The following TGM6 variants were observed in gnomAD, a reference collection of about 807,000 sequenced individuals.
The protein encoded by TGM6 is transglutaminase 6, also known as protein-glutamine gamma-glutamyltransferase 6.
A neutral mutation model predicts 77.5 loss-of-function variants in TGM6; 74 were observed. That is an observed-to-expected ratio of 0.96 (90% CI 0.79 to 1.16). The LOEUF (loss-of-function observed/expected upper bound fraction) is 1.16, where lower values mean the gene tolerates loss of function less well. Ranked by LOEUF, TGM6 falls within the 50% of genes most tolerant of loss-of-function variation. TGM6 has a pLI of 0.00. For synonymous variants in TGM6, 383 were observed against 378.9 expected (o/e 1.01, Z -0.12); for missense variants, 968 against 940.2 (o/e 1.03, Z -0.39).
At chr20:2,415,990 G>A (rs890294657) in intron 9 of TGM6, among the ~76,000 whole-genome samples, 1 of 152,148 alleles carries the variant, frequency 6.6e-6, no homozygotes, top group African/African-American at 2.4e-5. Flanking sequence ...AAGAGAGTGC[G>A]TTCCCTCTAG....
chr20:2,385,871 A>G (rs925791067), intron 1 of TGM6, among the ~76,000 whole-genome samples: 4 of 152,214 alleles, frequency 2.6e-5, no homozygotes, highest in African/African-American at 9.6e-5. Context: ...AGGTTCTAGC[A>G]ACCCAGGGAG....
rs569302362 is a variant in TGM6, at chr20:2,394,088, G to A, written c.8-364G>A. 3.3e-5 allele frequency among the ~76,000 whole-genome samples: 5 copies of A among 152,100 alleles called. No individual in the cohort carries two copies. The East Asian group carries it at 9.8e-4, about 30-fold the overall frequency. On this transcript the variant is annotated intron_variant, in intron 1 of 12. Transcript: ENST00000202625. ...GCAGATCACCTGAGGTCAGGAGTTC[G>A]AGACCAGTTTGACCAACATGGCAAA...
intron 9 of TGM6, among the ~76,000 whole-genome samples, chr20:2,407,479 C>T (rs749899446): frequency 7.9e-5 from 12 of 152,024 alleles, no homozygotes; most frequent in East Asian, 1.9e-4. Context: ...ATTAGCTGGG[C>T]GTGGTGGTGG....
chr20:2,385,851 G>C (rs1330365807), intron 1 of TGM6, among the ~76,000 whole-genome samples: 1 of 152,172 alleles, frequency 6.6e-6, no homozygotes, highest in East Asian at 1.9e-4. Flanking sequence ...TATGCCCTGG[G>C]CCCTTAACCA....
In TGM6 at chr20:2,399,622, G is replaced by A; in HGVS notation, c.734G>A (p.Gly245Asp). 6.2e-7 allele frequency: 1 copy of A among 1,613,544 alleles called. No homozygotes were observed. Among genetic ancestry groups the A allele is most frequent in the Non-Finnish European group, 8.5e-7 (1 of 1,179,982 alleles). Residue 245 changes from glycine (G) to aspartate (D), a missense_variant, in exon 6 of 13, where the codon GGC becomes GAC. Physicochemically the swap from Gly to Asp is moderately conservative, Grantham distance 94 (BLOSUM62 -1). Transcript: ENST00000202625. ...CAGTGGCAGGGCAAGTACGGCGGCG[G>A]CACCAGCCCGCTGCACTGGCGCGGC... ...QGQWQGKYGG[G>D]TSPLHWRGSV...
chr20:2,430,918 G>T lies in TGM6; in HGVS notation c.1858G>T (p.Val620Leu). 1.2e-6 allele frequency: 2 copies of T among 1,614,218 alleles called. No homozygotes were observed. Among genetic ancestry groups the T allele is most frequent in the East Asian group, 4.5e-5 (2 of 44,876 alleles). ...GGTTCTGGGCCCAGCCATGGTGGGA[G>T]TGGCAGTTACAGTGGAAGTGACAGT... is the stretch of plus-strand genomic sequence containing the variant. ...IKVLGPAMVG[V>L]AVTVEVTVVN... The change falls in exon 12 of 13, where the codon GTG becomes TTG. Residue 620 changes from valine (V) to leucine (L), a missense_variant. By Grantham distance (32) the Val-to-Leu change is conservative. Coordinates refer to ENST00000202625, the MANE Select transcript of TGM6 (RefSeq NM_198994.3).
At chr20:2,386,237 C>T (rs1424520060) in intron 1 of TGM6, among the ~76,000 whole-genome samples, 2 of 152,114 alleles carry the variant, frequency 1.3e-5, no homozygotes, top group Non-Finnish European at 2.9e-5. Flanking sequence ...GACCCCAGCC[C>T]CGGCTATTAC....
rs1284068904 is a variant in TGM6, at chr20:2,394,548, G to A, written c.104G>A (p.Gly35Asp). 2 of 1,612,072 alleles carry A rather than the reference G, an allele frequency of 1.2e-6. No homozygotes were observed. Among genetic ancestry groups the A allele is most frequent in the African/African-American group, 1.3e-5 (1 of 74,980 alleles). ...TGCCCTGAGCTGGTGGTTCGCAGGG[G>A]CCAGTCGTTCAGCCTCACGCTGGAG... ...YPCPELVVRR[G>D]QSFSLTLELS... The change falls in exon 2 of 13, where the codon GGC (glycine) becomes GAC (aspartate). Residue 35 changes from glycine to aspartate, a missense_variant. Gly to Asp is a moderately conservative substitution (Grantham distance 94, BLOSUM62 -1). Coordinates refer to ENST00000202625, the MANE Select transcript of TGM6 (RefSeq NM_198994.3).
intron 4 of TGM6, 134 bp downstream of exon 4, chr20:2,396,758 C>G: frequency 3.7e-6 from 3 of 801,438 alleles, no homozygotes; most frequent in Non-Finnish European, 6.3e-6. Flanking sequence ...CCCACTCATT[C>G]ATTCATTCAT....
rs768864564 is a variant in TGM6 at position 2,430,878 on chromosome 20, G to A, written c.1834-16G>A. 11 of 1,614,156 alleles carry A rather than the reference G, an allele frequency of 6.8e-6. No individual in the cohort carries two copies. The highest frequency in any genetic ancestry group is 9.3e-6 in the Non-Finnish European group (11 of 1,180,038). ...GAGGGGTAGGCGCGATGGCTCATGG[G>A]TGTTGTCCCCTTCAGGTTCTGGGCC... On this transcript the variant is annotated splice_polypyrimidine_tract_variant and intron_variant, in intron 11 of 12. Coordinates refer to ENST00000202625, the MANE Select transcript of TGM6 (RefSeq NM_198994.3).
intron 9 of TGM6, among the ~76,000 whole-genome samples, chr20:2,408,849 A>AT: frequency 3.9e-5 from 6 of 152,338 alleles, no homozygotes; most frequent in African/African-American, 1.4e-4. Flanking sequence ...GGGCAGGTAA[A>AT]AGTAAACAAA....
chr20:2,417,698 T>C (rs2084828345), intron 10 of TGM6, 125 bp downstream of exon 10: 3 of 1,103,066 alleles, frequency 2.7e-6, no homozygotes, highest in Middle Eastern at 2.8e-4. Flanking sequence ...TTCCTGAGCA[T>C]TGTGCTCAGT....
At chr20:2,381,113 T>C in intron 1 of TGM6, 138 bp downstream of exon 1, 14 of 1,299,126 alleles carry the variant, frequency 1.1e-5, no homozygotes, top group Non-Finnish European at 1.5e-5. Flanking sequence ...ACACATGAAC[T>C]CTTCGTGTGG....
intron 7 of TGM6, among the ~76,000 whole-genome samples, chr20:2,402,941 C>T (rs544964469): frequency 7.2e-4 from 109 of 152,328 alleles, no homozygotes; most frequent in African/African-American, 1.9e-3. Flanking sequence ...GTTCCCTTCA[C>T]TCTTCCTATA....
intron 1 of TGM6, among the ~76,000 whole-genome samples, chr20:2,389,865 C>T (rs1014787506): frequency 2.0e-5 from 3 of 152,116 alleles, no homozygotes; most frequent in Admixed American, 6.5e-5. Context: ...TTACTGGTCT[C>T]GATCTACTGA....
At chr20:2,384,428 G>A (rs187073263) in intron 1 of TGM6, among the ~76,000 whole-genome samples, 3 of 152,334 alleles carry the variant, frequency 2.0e-5, no homozygotes, top group African/African-American at 7.2e-5. Flanking sequence ...GATTCAGGAT[G>A]TCATGAATTG....
Position 2,398,066 on chromosome 20 carries a change from C to A in TGM6, c.672+20C>A. The A allele has an allele frequency of 6.2e-7, 1 of 1,614,172 alleles. No individual in the cohort carries two copies. The highest frequency in any genetic ancestry group is 8.5e-7 in the Non-Finnish European group (1 of 1,180,028). Reference sequence around the variant, plus strand: ...GCCATGGTGAGAAGCCCCTCCATCCCTGCACATGTACTTCCTCAAGGATCC... The same window carrying A: ...GCCATGGTGAGAAGCCCCTCCATCCATGCACATGTACTTCCTCAAGGATCC... On this transcript the variant is annotated intron_variant, in intron 5 of 12. Transcript: ENST00000202625.
chr20:2,417,220 G>A lies in TGM6; in HGVS notation c.1337-12G>A. On this transcript the variant is annotated splice_polypyrimidine_tract_variant and intron_variant, in intron 9 of 12. Transcript: ENST00000202625. ...GGGGTGCCTGCCGCTGACGTTGTGT[G>A]ATGCCCTGCAGGGTCCCGGAAAGAG... The A allele has an allele frequency of 6.3e-7, 1 of 1,586,936 alleles. No homozygotes were observed. The highest frequency in any genetic ancestry group is 2.3e-5 in the East Asian group (1 of 43,428).
Position 2,395,169 on chromosome 20 carries a change from C to T in TGM6, c.182-25C>T, listed in dbSNP as rs140182892. 1.9e-4 allele frequency: 302 copies of T among 1,609,742 alleles called. 2 individuals are homozygous for T. The East Asian group carries it at 6.6e-3, about 35-fold the overall frequency. ...GCTGGGTTTCCCAGGGGAAGGGTCTCCTGATTCCCTCTCCTCTCCTCCAGG... is the reference window on the plus strand; with the variant it reads ...GCTGGGTTTCCCAGGGGAAGGGTCTTCTGATTCCCTCTCCTCTCCTCCAGG... On this transcript the variant is annotated intron_variant, in intron 2 of 12. Transcript: ENST00000202625.
Sources: gnomAD v4.1 joint callset for allele counts (sites outside exome capture counted in the v4.1 genomes callset) on GRCh38, gnomAD v4.1.1 for gene constraint, MANE v1.5 for transcripts, NCBI Gene and HGNC (gene_info 2026-07-23, HGNC 2026-07-21) for gene names.